Variants in TIMELESS observed in about 807,000 individuals in gnomAD.
TIMELESS encodes protein timeless homolog.
In TIMELESS, 124 loss-of-function variants were observed where a neutral mutation model predicts 164.3. The observed-to-expected ratio is 0.75, with a 90% CI of 0.65 to 0.88. The LOEUF is 0.88. TIMELESS is among the 40% of genes least tolerant of loss of function. TIMELESS has a pLI of 0.00. For missense variants in TIMELESS, 1,422 were observed against 1,491.4 expected, an observed-to-expected ratio of 0.95 and a Z score of 0.77; for synonymous variants, 564 against 563.4, an observed-to-expected ratio of 1.00 and a Z score of -0.02.
intron 1 of TIMELESS, among the ~76,000 whole-genome samples, chr12:56,447,658 G>C (rs566287801): frequency 1.3e-5 from 2 of 152,126 alleles, no homozygotes; most frequent in South Asian, 4.1e-4. Context: ...TAAGCCTGGC[G>C]CTAAGCACAG....
rs1868490474 is a variant in TIMELESS, at chr12:56,449,341, G to A, written c.-93C>T. 1 of 152,314 alleles carries A rather than the reference G, an allele frequency of 6.6e-6. No homozygotes were observed. Among genetic ancestry groups the A allele is most frequent in the Non-Finnish European group, 1.5e-5 (1 of 68,082 alleles). 9.4% of individuals were successfully genotyped at this position (152,314 alleles called of 1,614,324 possible). ...CCTGCGGGTCCTCAGAAGCCCGGAG[G>A]AGCCACCGGCCCTCTGGCGCGGGGC... On this transcript the variant is annotated 5_prime_UTR_variant, in exon 1 of 29. Transcript: ENST00000553532.
At chr12:56,437,306 T>G (rs1333636233) in intron 1 of TIMELESS, among the ~76,000 whole-genome samples, 2 of 152,162 alleles carry the variant, frequency 1.3e-5, no homozygotes, top group African/African-American at 4.8e-5. Flanking sequence ...GTAAACTGAT[T>G]TCAGAAAATA....
At chr12:56,424,739 G>A in intron 15 of TIMELESS, 23 bp downstream of exon 15, 3 of 1,609,974 alleles carry the variant, frequency 1.9e-6, no homozygotes, top group Non-Finnish European at 2.5e-6. Context: ...AAGCCCAAGA[G>A]GATGAGCAGG....
At chr12:56,425,244 C>T (rs919514289) in intron 13 of TIMELESS, 92 bp from the exon 14 acceptor site, 3 of 1,418,102 alleles carry the variant, frequency 2.1e-6, no homozygotes, top group Non-Finnish European at 2.8e-6. Context: ...ATTAACTGGA[C>T]ATTCACAGAG....
chr12:56,420,807 A>G lies in TIMELESS; in HGVS notation c.3109+6T>C. ...CTTCTCCTAAAAGTGTCACCTGTCC[A>G]CTCACCATCCTCTTCCCGATCATCA... On this transcript the variant is annotated splice_donor_region_variant and intron_variant, in intron 25 of 28. Transcript: ENST00000553532. 2 of 1,614,074 alleles carry G rather than the reference A, an allele frequency of 1.2e-6. No individual in the cohort carries two copies. Among genetic ancestry groups the G allele is most frequent in the Non-Finnish European group, 1.7e-6 (2 of 1,180,004 alleles).
At chr12:56,430,423 T>A (rs774032) in intron 9 of TIMELESS, 142 bp from the exon 10 acceptor site, 1 of 972,684 alleles carries the variant, frequency 1.0e-6, no homozygotes, top group Non-Finnish European at 1.5e-6. Context: ...TGGAGTGTAA[T>A]GATGCAATCA....
chr12:56,432,942 A>G, intron 6 of TIMELESS, 84 bp downstream of exon 6: 1 of 969,218 alleles, frequency 1.0e-6, no homozygotes, highest in Non-Finnish European at 1.5e-6. Context: ...CGACAGAGAG[A>G]GACTCCGTCT....
chr12:56,431,261 G>A (rs1881868035), intron 8 of TIMELESS, among the ~76,000 whole-genome samples: 1 of 151,780 alleles, frequency 6.6e-6, no homozygotes, highest in South Asian at 2.1e-4. Flanking sequence ...GGCTGAGGCA[G>A]GAGAATCGCT....
rs900924664 is a variant in TIMELESS, at chr12:56,416,593, GCTC to G, written c.*1120_*1122del. The G allele has an allele frequency of 6.6e-6, 1 of 152,098 alleles. No individual in the cohort carries two copies. The highest frequency in any genetic ancestry group is 6.5e-5 in the Admixed American group (1 of 15,270). The allele number at this position is 152,098 out of a possible 1,614,324, so 9.4% of individuals were successfully genotyped here. A position where few individuals can be genotyped will look rare whatever the true frequency, so the allele number is the denominator to read the frequency against. On this transcript the variant is annotated 3_prime_UTR_variant, in exon 29 of 29. Coordinates refer to ENST00000553532, the MANE Select transcript of TIMELESS (RefSeq NM_003920.5). ...ACAAGCTGGCTTCTCTTCCTTTATG[GCTC>G]CTCCTTCTTCCTGCCGCATACTCTT...
rs1881454503 is a variant in TIMELESS at position 56,420,883 on chromosome 12, TA to T, written c.3041-3del. The T allele has an allele frequency of 6.2e-7, 1 of 1,614,016 alleles. No homozygotes were observed. On this transcript the variant is annotated splice_polypyrimidine_tract_variant and splice_region_variant and intron_variant, in intron 24 of 28. Coordinates refer to ENST00000553532, the MANE Select transcript of TIMELESS (RefSeq NM_003920.5). ...GCCATAGGAGCGGGATAGAAAAGCCTAAGGAAATGAGGGAAACTTACATTTG... is the reference window on the plus strand; with the variant it reads ...GCCATAGGAGCGGGATAGAAAAGCCTAGGAAATGAGGGAAACTTACATTTG...
chr12:56,424,829 C>G lies in TIMELESS; in HGVS notation c.1801G>C (p.Val601Leu). The G allele has an allele frequency of 6.2e-7, 1 of 1,614,206 alleles. No homozygotes were observed. The highest frequency in any genetic ancestry group is 8.5e-7 in the Non-Finnish European group (1 of 1,180,042). ...PVEEQRAEAMVRIQDCLLAGQ... is the reference protein window; with the variant it reads ...PVEEQRAEAMLRIQDCLLAGQ... ...GCCAGGAGACAGTCTTGGATCCGTACCATAGCTTCTGCCCGCTGCTCCTCC... is the reference window on the plus strand; with the variant it reads ...GCCAGGAGACAGTCTTGGATCCGTAGCATAGCTTCTGCCCGCTGCTCCTCC... Residue 601 changes from valine (V) to leucine (L), a missense_variant, in exon 15 of 29, where the codon GTA becomes CTA. Transcript: ENST00000553532.
Position 56,431,608 on chromosome 12 carries a change from G to A in TIMELESS, c.688-4C>T. 6.2e-7 allele frequency: 1 copy of A among 1,608,980 alleles called. No individual in the cohort carries two copies. The highest frequency in any genetic ancestry group is 1.1e-5 in the South Asian group (1 of 90,650). On this transcript the variant is annotated splice_polypyrimidine_tract_variant and splice_region_variant and intron_variant, in intron 7 of 28. Coordinates refer to ENST00000553532, the MANE Select transcript of TIMELESS (RefSeq NM_003920.5). ...CTCCCGCCAGCTGCTCGGGGTTCTA[G>A]ATTGGAACAAAGAGGGAAGAATCAG...
intron 1 of TIMELESS, among the ~76,000 whole-genome samples, chr12:56,434,962 C>T (rs1044589736): frequency 6.6e-6 from 1 of 152,152 alleles, no homozygotes; most frequent in African/African-American, 2.4e-5. Context: ...GGACTACTTG[C>T]GCCTAGGTGT....
At chr12:56,425,379 G>A (rs1371831638) in intron 13 of TIMELESS, among the ~76,000 whole-genome samples, 2 of 152,128 alleles carry the variant, frequency 1.3e-5, no homozygotes, top group Non-Finnish European at 2.9e-5. Context: ...CTAGAGTGTG[G>A]ATAAAAGCTA....
chr12:56,444,935 C>G (rs1868327988), intron 1 of TIMELESS, among the ~76,000 whole-genome samples: 1 of 151,298 alleles, frequency 6.6e-6, no homozygotes, highest in Admixed American at 6.7e-5. Flanking sequence ...TTTCTGGCCC[C>G]TCTGAGCTAT....
At position 56,431,599 on chromosome 12, in the gene TIMELESS, G is replaced by A. The variant is rs140728919; in HGVS notation, c.693C>T (p.Pro231=). 109 of 1,611,430 alleles carry A rather than the reference G, an allele frequency of 6.8e-5. No individual in the cohort carries two copies. The East Asian group carries it at 1.5e-3, about 22-fold the overall frequency. Residue 231 remains proline (P), a synonymous_variant, in exon 8 of 29, where the codon CCC becomes CCT. Coordinates refer to ENST00000553532, the MANE Select transcript of TIMELESS (RefSeq NM_003920.5). The part of the protein sequence containing the change: ...IVSLMFRDQN[P]EQLAGVGQGR... ...CCTGCCCTACTCCCGCCAGCTGCTC[G>A]GGGTTCTAGATTGGAACAAAGAGGG...
intron 26 of TIMELESS, among the ~76,000 whole-genome samples, chr12:56,420,268 G>A (rs188711164): frequency 1.5e-4 from 23 of 151,834 alleles, no homozygotes; most frequent in African/African-American, 5.3e-4. Flanking sequence ...TGGGCAGGGG[G>A]GTCCTGGAAC....
rs779857099 is a variant in TIMELESS, at chr12:56,421,389, A to C, written c.2830T>G (p.Tyr944Asp). Residue 944 changes from tyrosine (Y) to aspartate (D), a missense_variant, in exon 23 of 29, where the codon TAC (tyrosine) becomes GAC (aspartate). Tyr to Asp is a radical substitution (Grantham distance 160, BLOSUM62 -3). Coordinates refer to ENST00000553532, the MANE Select transcript of TIMELESS (RefSeq NM_003920.5). ...GCCAACTTTTTCTGCCGTTTCTTGT[A>C]CAGCTCCCGCCGCTCAGCCACCAGC... is the stretch of plus-strand genomic sequence containing the variant. ...LGLVAERREL[Y>D]KKRQKKLASS... 4.3e-6 allele frequency: 7 copies of C among 1,614,062 alleles called. No homozygotes were observed. The highest frequency in any genetic ancestry group is 5.9e-6 in the Non-Finnish European group (7 of 1,180,002).
rs750063035 is a variant in TIMELESS, at chr12:56,429,020, G to T, written c.1167C>A (p.Asn389Lys). ...GGCCTGGCCGGAAGGAGGCAGCTCG[G>T]TTGAAGGCCATGAAGAAAGCCAAGG... ...MWALAFFMAF[N>K]RAASFRPGLV... The change falls in exon 11 of 29, where the codon AAC becomes AAA. Residue 389 changes from asparagine to lysine, a missense_variant. Asn to Lys is a moderately conservative substitution (Grantham distance 94). Coordinates refer to ENST00000553532, the MANE Select transcript of TIMELESS (RefSeq NM_003920.5). The T allele has an allele frequency of 6.2e-7, 1 of 1,614,124 alleles. No individual in the cohort carries two copies. Among genetic ancestry groups the T allele is most frequent in the Non-Finnish European group, 8.5e-7 (1 of 1,180,020 alleles).
Sources: gnomAD v4.1 joint callset for allele counts (sites outside exome capture counted in the v4.1 genomes callset) on GRCh38, gnomAD v4.1.1 for gene constraint, MANE v1.5 for transcripts, NCBI Gene and HGNC (gene_info 2026-07-23, HGNC 2026-07-21) for gene names.